THOC1: variants seen among roughly 807,000 people sequenced by gnomAD.
THOC1 encodes THO complex 1.
THOC1 carries 29 observed loss-of-function variants against 97.3 expected under a neutral mutation model. The observed-to-expected ratio is 0.30, with a 90% confidence interval of 0.22 to 0.41. THOC1 has a LOEUF of 0.41. THOC1 is among the 10% of genes least tolerant of loss of function. The pLI, the probability that THOC1 is intolerant of heterozygous loss-of-function variation, is 1.00. For synonymous variants in THOC1, 255 were observed against 257.0 expected, an observed-to-expected ratio of 0.99 and a Z score of 0.07; for missense variants, 529 against 761.9, an observed-to-expected ratio of 0.69 and a Z score of 3.60.
intron 9 of THOC1, among the ~76,000 whole-genome samples, chr18:252,119 C>T (rs1029621015): frequency 1.3e-5 from 2 of 152,084 alleles, no homozygotes; most frequent in African/African-American, 4.8e-5. Context: ...AAGCACAGGG[C>T]TACAGAGGAG....
At chr18:262,606 A>T (rs1382566697) in intron 4 of THOC1, among the ~76,000 whole-genome samples, 1 of 152,222 alleles carries the variant, frequency 6.6e-6, no homozygotes, top group African/African-American at 2.4e-5. Context: ...GGACACACTG[A>T]ACACTGTTTG....
chr18:259,940 T>A, intron 5 of THOC1: 3 of 524,626 alleles, frequency 5.7e-6, no homozygotes, highest in Non-Finnish European at 1.0e-5. Flanking sequence ...GTTTTAAACA[T>A]GTGAAAGTGT....
intron 9 of THOC1, among the ~76,000 whole-genome samples, chr18:248,965 T>C (rs1409286669): frequency 6.6e-6 from 1 of 152,146 alleles, no homozygotes. Context: ...TTATCCAGGA[T>C]GGTCTCGAGT....
chr18:246,872 G>A (rs542865108), intron 10 of THOC1, among the ~76,000 whole-genome samples: 14 of 145,764 alleles, frequency 9.6e-5, no homozygotes, highest in African/African-American at 3.3e-4. Context: ...AGCTACTCAG[G>A]AGACTGAGGC....
At chr18:232,355 C>CT (rs1911513799) in intron 11 of THOC1, among the ~76,000 whole-genome samples, 1 of 152,070 alleles carries the variant, frequency 6.6e-6, no homozygotes, top group African/African-American at 2.4e-5. Flanking sequence ...GTCTTGGCCT[C>CT]CCAAAGTGCT....
chr18:225,505 A>T (rs1911249551), intron 12 of THOC1, 102 bp from the exon 13 acceptor site: 9 of 905,162 alleles, frequency 9.9e-6, no homozygotes, highest in Non-Finnish European at 1.5e-5. Flanking sequence ...TATACTGTGG[A>T]TAGTGTCAAA....
At chr18:228,795 C>T (rs893821946) in intron 11 of THOC1, among the ~76,000 whole-genome samples, 2 of 152,186 alleles carry the variant, frequency 1.3e-5, no homozygotes, top group African/African-American at 4.8e-5. Context: ...TGAGTGAATA[C>T]CCCAAATTAC....
rs554336638 is a variant in THOC1 at position 232,483 on chromosome 18, G to A, written c.919-5582C>T. ...TTTCAGTGCTTTATAGAACTGTCAC[G>A]TAAAATTATCTTATCACCCAGTCTT... On this transcript the variant is annotated intron_variant, in intron 11 of 20. Coordinates refer to ENST00000261600, the MANE Select transcript of THOC1 (RefSeq NM_005131.3). 5.9e-5 allele frequency among the ~76,000 whole-genome samples: 9 copies of A among 151,646 alleles called. No homozygotes were observed. In the South Asian group the frequency reaches 1.0e-3, roughly 18 times the overall value.
chr18:228,331 TA>T (rs1356731903), intron 11 of THOC1, among the ~76,000 whole-genome samples: 1 of 152,192 alleles, frequency 6.6e-6, no homozygotes, highest in Non-Finnish European at 1.5e-5. Flanking sequence ...ACCGAGACTT[TA>T]AGGCCCTTGA....
chr18:255,333 C>T (rs1161482322), intron 7 of THOC1, among the ~76,000 whole-genome samples: 4 of 152,182 alleles, frequency 2.6e-5, no homozygotes, highest in Admixed American at 2.6e-4. Context: ...GTTGTGAATG[C>T]AAAGATAAAG....
chr18:251,685 CA>C (rs1351689844), intron 9 of THOC1, among the ~76,000 whole-genome samples: 1 of 152,110 alleles, frequency 6.6e-6, no homozygotes, highest in Non-Finnish European at 1.5e-5. Flanking sequence ...AAGAGGTGTA[CA>C]TGAAAATAAC....
intron 17 of THOC1, among the ~76,000 whole-genome samples, chr18:220,088 T>C (rs1254137099): frequency 1.3e-5 from 2 of 152,192 alleles, no homozygotes; most frequent in East Asian, 1.9e-4. Flanking sequence ...ATGCTACAGA[T>C]ACTATATTCC....
intron 17 of THOC1, among the ~76,000 whole-genome samples, chr18:221,823 T>G (rs910409692): frequency 2.0e-5 from 3 of 152,176 alleles, no homozygotes; most frequent in Admixed American, 6.5e-5. Flanking sequence ...TTAGCCACGA[T>G]GGTCTCTATC....
chr18:216,435 T>G, intron 19 of THOC1, 51 bp downstream of exon 19: 2 of 1,572,370 alleles, frequency 1.3e-6, no homozygotes, highest in East Asian at 2.3e-5. Flanking sequence ...GACAGCAATT[T>G]TAAAGAAGAT....
intron 12 of THOC1, 198 bp from the exon 13 acceptor site, chr18:225,601 A>G: frequency 1.8e-6 from 1 of 558,578 alleles, no homozygotes; most frequent in Non-Finnish European, 3.2e-6. Flanking sequence ...GGTACTGAAG[A>G]CATAAAAGCA....
At position 214,840 on chromosome 18, in the gene THOC1, A is replaced by G. The variant is rs777142821; in HGVS notation, c.1760T>C (p.Ile587Thr). 1 of 1,613,900 alleles carries G rather than the reference A, an allele frequency of 6.2e-7. No individual in the cohort carries two copies. The highest frequency in any genetic ancestry group is 1.1e-5 in the South Asian group (1 of 91,076). Reference sequence around the variant, plus strand: ...TTTCATTTCCAAGTAGGGAGCCAGAATCTTCCATTGTTCACCCAGCTTGTT... The same window carrying G: ...TTTCATTTCCAAGTAGGGAGCCAGAGTCTTCCATTGTTCACCCAGCTTGTT... ...FANKLGEQWK[I>T]LAPYLEMKDS... Residue 587 changes from isoleucine (I) to threonine (T), a missense_variant, in exon 21 of 21, where the codon ATT (isoleucine) becomes ACT (threonine). Ile to Thr is a moderately conservative substitution (Grantham distance 89). This residue lies in a region of THOC1 where 98 missense variants were observed against 111.9 expected (regional missense o/e 0.88). Coordinates refer to ENST00000261600, the MANE Select transcript of THOC1 (RefSeq NM_005131.3).
chr18:260,395 G>A, intron 4 of THOC1, 91 bp from the exon 5 acceptor site: 1 of 847,242 alleles, frequency 1.2e-6, no homozygotes, highest in Non-Finnish European at 1.7e-6. Context: ...ATCTTAAAAG[G>A]TACACTTTGT....
chr18:261,610 G>A lies in THOC1; in HGVS notation c.257-1306C>T, dbSNP rs146178965. ...ACCACCCACCAGGGATGTTACAGCA[G>A]AGAAGCAGTCTAGGCCAGAGATGAG... On this transcript the variant is annotated intron_variant, in intron 4 of 20. Coordinates refer to ENST00000261600, the MANE Select transcript of THOC1 (RefSeq NM_005131.3). Among the ~76,000 whole-genome samples, 12 of 152,330 alleles carry A rather than the reference G, an allele frequency of 7.9e-5. No individual in the cohort carries two copies. The East Asian group carries it at 2.3e-3, about 29-fold the overall frequency.
rs1213007528 is a variant in THOC1, at chr18:263,950, T to C, written c.256+76A>G. The C allele has an allele frequency of 2.7e-6, 3 of 1,124,600 alleles. No homozygotes were observed. The African/African-American group carries it at 4.7e-5, about 17-fold the overall frequency. 69.7% of individuals were successfully genotyped at this position (1,124,600 alleles called of 1,614,324 possible). On this transcript the variant is annotated intron_variant, in intron 4 of 20. Transcript: ENST00000261600. ...ACAAAATCAGATAGGTGGAGAAGTA[T>C]GGGGAGAAGACGTTTTAAATAAAGC...
Sources: gnomAD v4.1 joint callset for allele counts (sites outside exome capture counted in the v4.1 genomes callset) on GRCh38, gnomAD v4.1.1 for gene constraint, gnomAD v4.1.1 regional missense constraint, MANE v1.5 for transcripts, NCBI Gene and HGNC (gene_info 2026-07-23, HGNC 2026-07-21) for gene names.